KCTD8: variants seen among roughly 807,000 people sequenced by gnomAD.
The protein encoded by KCTD8 is BTB/POZ domain-containing protein KCTD8.
KCTD8 carries 27 observed loss-of-function variants against 31.5 expected under a neutral mutation model. That is an observed-to-expected ratio of 0.86 (90% CI 0.63 to 1.18). The LOEUF (loss-of-function observed/expected upper bound fraction) is 1.18, where lower values mean the gene tolerates loss of function less well. Among genes scored for constraint, KCTD8 ranks in the 50% most tolerant of loss-of-function variants. The pLI is 0.00. For synonymous variants in KCTD8, 290 were observed against 280.0 expected (o/e 1.04, Z -0.36); for missense variants, 658 against 647.7 (o/e 1.02, Z -0.17).
rs1368353030 is a variant in KCTD8 at position 44,190,703 on chromosome 4, G to T, written c.962-15453C>A. On this transcript the variant is annotated intron_variant, in intron 1 of 1. Coordinates refer to ENST00000360029, the MANE Select transcript of KCTD8 (RefSeq NM_198353.3). ...ATGCCCTTACATCTTTGGCCAAAAAGCTCTCAGATATGACTGTAGGGGACT... is the reference window on the plus strand; with the variant it reads ...ATGCCCTTACATCTTTGGCCAAAAATCTCTCAGATATGACTGTAGGGGACT... 2.6e-5 allele frequency among the ~76,000 whole-genome samples: 4 copies of T among 152,118 alleles called. No individual in the cohort carries two copies. In the South Asian group the frequency reaches 8.3e-4, roughly 32 times the overall value.
chr4:44,318,515 A>G (rs974103636), intron 1 of KCTD8, among the ~76,000 whole-genome samples: 4 of 152,208 alleles, frequency 2.6e-5, no homozygotes, highest in Admixed American at 2.0e-4. Context: ...TAGGAGGAAT[A>G]ATCAATATTG....
chr4:44,297,153 T>C (rs921131859), intron 1 of KCTD8, among the ~76,000 whole-genome samples: 13 of 151,972 alleles, frequency 8.6e-5, no homozygotes, highest in Non-Finnish European at 1.6e-4. Context: ...CACTGCAAAA[T>C]ACTAAGTTAA....
At chr4:44,276,511 A>G (rs1716754866) in intron 1 of KCTD8, among the ~76,000 whole-genome samples, 1 of 151,976 alleles carries the variant, frequency 6.6e-6, no homozygotes, top group Non-Finnish European at 1.5e-5. Context: ...CCCTTGTGGT[A>G]ATAAATATTC....
At chr4:44,187,589 CT>C (rs1212093357) in intron 1 of KCTD8, among the ~76,000 whole-genome samples, 1 of 152,104 alleles carries the variant, frequency 6.6e-6, no homozygotes, top group African/African-American at 2.4e-5. Flanking sequence ...TAATGACCTT[CT>C]TTTTTACAAG....
chr4:44,401,768 A>G (rs1300104565), intron 1 of KCTD8, among the ~76,000 whole-genome samples: 2 of 152,206 alleles, frequency 1.3e-5, no homozygotes, highest in Non-Finnish European at 2.9e-5. Context: ...AGCAGCTACT[A>G]TTCTATTTAG....
chr4:44,441,886 C>A (rs1157150034), intron 1 of KCTD8, among the ~76,000 whole-genome samples: 1 of 152,010 alleles, frequency 6.6e-6, no homozygotes, highest in Non-Finnish European at 1.5e-5. Flanking sequence ...ACAAAATATT[C>A]GATACCAATA....
At chr4:44,343,047 G>A (rs1419311517) in intron 1 of KCTD8, among the ~76,000 whole-genome samples, 7 of 152,156 alleles carry the variant, frequency 4.6e-5, no homozygotes, top group Admixed American at 3.9e-4. Flanking sequence ...TGTGTCCAGT[G>A]GAGTTGCACT....
At chr4:44,359,017 G>GT (rs1719430138) in intron 1 of KCTD8, among the ~76,000 whole-genome samples, 1 of 151,936 alleles carries the variant, frequency 6.6e-6, no homozygotes, top group Non-Finnish European at 1.5e-5. Flanking sequence ...TGATGGGTTT[G>GT]TTTTTTTCTT....
At chr4:44,210,446 A>G (rs1714448180) in intron 1 of KCTD8, among the ~76,000 whole-genome samples, 1 of 152,242 alleles carries the variant, frequency 6.6e-6, no homozygotes, top group African/African-American at 2.4e-5. Context: ...ATGAGGTTAT[A>G]TAACAATTAG....
intron 1 of KCTD8, among the ~76,000 whole-genome samples, chr4:44,358,567 C>CTTTT (rs113573085): frequency 1.4e-5 from 2 of 147,594 alleles, no homozygotes. Flanking sequence ...TGTTTCCTGA[C>CTTTT]TTTTTTTTTT....
chr4:44,219,379 C>T (rs1714741512), intron 1 of KCTD8, among the ~76,000 whole-genome samples: 1 of 152,166 alleles, frequency 6.6e-6, no homozygotes, highest in Non-Finnish European at 1.5e-5. Context: ...CCGGCCTTTG[C>T]CAGTATAATA....
At chr4:44,384,479 A>G (rs977276063) in intron 1 of KCTD8, among the ~76,000 whole-genome samples, 1 of 151,950 alleles carries the variant, frequency 6.6e-6, no homozygotes, top group Non-Finnish European at 1.5e-5. Flanking sequence ...TGTTATTTGC[A>G]GCACAATGGA....
intron 1 of KCTD8, among the ~76,000 whole-genome samples, chr4:44,397,715 CA>C (rs1286229436): frequency 6.6e-6 from 1 of 151,910 alleles, no homozygotes; most frequent in African/African-American, 2.4e-5. Flanking sequence ...TATCTTCTTA[CA>C]AAAAAATGAA....
chr4:44,361,018 G>C (rs2109430270), intron 1 of KCTD8, among the ~76,000 whole-genome samples: 1 of 151,966 alleles, frequency 6.6e-6, no homozygotes, highest in East Asian at 1.9e-4. Context: ...ATCATTAAAA[G>C]TCTTCATATA....
At chr4:44,359,313 A>G (rs1719438737) in intron 1 of KCTD8, among the ~76,000 whole-genome samples, 1 of 151,868 alleles carries the variant, frequency 6.6e-6, no homozygotes, top group African/African-American at 2.4e-5. Context: ...TCTTCTATTA[A>G]CTGGCTTTCC....
chr4:44,227,088 G>T (rs964998676), intron 1 of KCTD8, among the ~76,000 whole-genome samples: 3 of 152,144 alleles, frequency 2.0e-5, no homozygotes, highest in Non-Finnish European at 4.4e-5. Context: ...CATTGCTTTT[G>T]GTGTTTTAGT....
chr4:44,320,548 C>A (rs1057379008), intron 1 of KCTD8, among the ~76,000 whole-genome samples: 1 of 152,148 alleles, frequency 6.6e-6, no homozygotes, highest in Non-Finnish European at 1.5e-5. Flanking sequence ...AAGCATCATA[C>A]ATTTTGGTGG....
At chr4:44,388,507 T>C (rs760294083) in intron 1 of KCTD8, among the ~76,000 whole-genome samples, 5 of 151,296 alleles carry the variant, frequency 3.3e-5, no homozygotes, top group African/African-American at 7.4e-5. Context: ...ATATATACTA[T>C]GGAATATTAT....
chr4:44,368,361 G>T (rs1198095822), intron 1 of KCTD8, among the ~76,000 whole-genome samples: 1 of 151,784 alleles, frequency 6.6e-6, no homozygotes. Flanking sequence ...CTCCAGCCCA[G>T]GTGACTGAGC....
Sources: allele counts gnomAD v4.1 joint callset (sites outside exome capture counted in the v4.1 genomes callset), GRCh38; gene constraint gnomAD v4.1.1; transcripts MANE v1.5; gene names NCBI Gene and HGNC (gene_info 2026-07-23, HGNC 2026-07-21).